The following GIPC1 variants were observed in gnomAD, a reference collection of about 807,000 sequenced individuals.
GIPC1 encodes PDZ domain-containing protein GIPC1.
GIPC1 carries 15 observed loss-of-function variants against 28.5 expected under a neutral mutation model. That is an observed-to-expected ratio of 0.53 (90% CI 0.35 to 0.81). GIPC1 has a LOEUF of 0.81. Ranked by LOEUF, GIPC1 falls within the 30% of genes least tolerant of loss-of-function variation. The pLI is 0.01. For synonymous variants in GIPC1, 224 were observed against 206.1 expected (o/e 1.09, Z -0.74); for missense variants, 439 against 481.9 (o/e 0.91, Z 0.83).
At chr19:14,491,264 CTT>C (rs201761180) in intron 3 of GIPC1, among the ~76,000 whole-genome samples, 1 of 145,770 alleles carries the variant, frequency 6.9e-6, no homozygotes. Context: ...CGCATCCAAT[CTT>C]TTTTTTTTTT....
intron 2 of GIPC1, 41 bp from the exon 3 acceptor site, chr19:14,491,784 C>T (rs529521958): frequency 6.6e-6 from 1 of 152,236 alleles, no homozygotes; most frequent in Non-Finnish European, 1.5e-5. Flanking sequence ...TCTGCTCTGA[C>T]CCCTCCCCGG....
intron 3 of GIPC1, among the ~76,000 whole-genome samples, chr19:14,491,334 CTG>C (rs1469093324): frequency 6.6e-6 from 1 of 152,078 alleles, no homozygotes; most frequent in East Asian, 1.9e-4. Flanking sequence ...TCTCGGCTCA[CTG>C]CAACCTCCAC....
intron 3 of GIPC1, among the ~76,000 whole-genome samples, chr19:14,484,833 T>C (rs2071801504): frequency 6.6e-6 from 1 of 151,792 alleles, no homozygotes; most frequent in Admixed American, 6.6e-5. Flanking sequence ...ACTCCTAGAC[T>C]CAAGCAATCC....
rs1174634221 is a variant in GIPC1 at position 14,482,674 on chromosome 19, C to G, written c.288+15G>C. On this transcript the variant is annotated intron_variant, in intron 4 of 8. Coordinates refer to ENST00000393033, the MANE Select transcript of GIPC1 (RefSeq NM_005716.4). ...CACCATCAGGGACCCTGGTGCCCGG[C>G]TCCCCAGTGGATACCTCGGCAGTTG... 1.2e-6 allele frequency: 2 copies of G among 1,609,786 alleles called. No individual in the cohort carries two copies. The highest frequency in any genetic ancestry group is 1.7e-6 in the Non-Finnish European group (2 of 1,178,782).
At position 14,482,858 on chromosome 19, in the gene GIPC1, G is replaced by A. The variant is rs199741925; in HGVS notation, c.119C>T (p.Ser40Leu). 1.1e-4 allele frequency: 173 copies of A among 1,576,264 alleles called. 1 individual carries two copies. The highest frequency in any genetic ancestry group is 7.1e-4 in the Admixed American group (39 of 54,776). Residue 40 changes from serine to leucine, a missense_variant, in exon 4 of 9, where the codon TCG (serine) becomes TTG (leucine). By Grantham distance (145) the Ser-to-Leu change is moderately radical (BLOSUM62 -2). Coordinates refer to ENST00000393033, the MANE Select transcript of GIPC1 (RefSeq NM_005716.4). ...GGGCAAGCCCATTTGGGGGCCCCCC[G>A]ACCCACCTCCGCCCAGAGGCCCTGG... The part of the protein sequence containing the change: ...GEPGPLGGGG[S>L]GGPQMGLPPP...
At chr19:14,483,812 T>C (rs2146471624) in intron 3 of GIPC1, among the ~76,000 whole-genome samples, 1 of 150,662 alleles carries the variant, frequency 6.6e-6, no homozygotes, top group Admixed American at 6.6e-5. Context: ...CAGCTAGGAT[T>C]ATTGCTTTGT....
chr19:14,484,129 C>A (rs889041441), intron 3 of GIPC1, among the ~76,000 whole-genome samples: 6 of 108,546 alleles, frequency 5.5e-5, no homozygotes, highest in African/African-American at 2.1e-4. Context: ...GACCCTGACT[C>A]TTTTTTTTTT....
intron 1 of GIPC1, among the ~76,000 whole-genome samples, 168 bp from the exon 2 acceptor site, chr19:14,493,080 C>A (rs1373081475): frequency 6.6e-6 from 1 of 152,156 alleles, no homozygotes; most frequent in East Asian, 1.9e-4. Context: ...TATCCCAACC[C>A]TCTCTGCCTG....
At position 14,482,736 on chromosome 19, in the gene GIPC1, CCTT is replaced by C; in HGVS notation, c.238_240del (p.Lys80del). 2 of 1,611,696 alleles carry C rather than the reference CCTT, an allele frequency of 1.2e-6. No homozygotes were observed. ...GCCTCGGCGATCTTGCCATACAGCT[CCTT>C]GACGTTGGTGAAGCCCTCGATGCGG... On this transcript the variant is annotated inframe_deletion, in exon 4 of 9. Transcript: ENST00000393033.
In GIPC1 at chr19:14,478,453, C is replaced by A; in HGVS notation, c.965G>T (p.Trp322Leu). Residue 322 changes from tryptophan to leucine, a missense_variant, in exon 9 of 9, where the codon TGG (tryptophan) becomes TTG (leucine). Trp to Leu is a moderately conservative substitution (Grantham distance 61). Coordinates refer to ENST00000393033, the MANE Select transcript of GIPC1 (RefSeq NM_005716.4). The surrounding 1 kb of genome is among the most constrained non-coding windows in gnomAD (Gnocchi z 5.2). ...AFPDEFVFDV[W>L]GAIGDAKVGR... ...GACCTTGGCGTCCCCAATGGCGCCC[C>A]AGACGTCAAAGACGAACTCGTCAGG... 1 of 1,612,458 alleles carries A rather than the reference C, an allele frequency of 6.2e-7. No homozygotes were observed. Among genetic ancestry groups the A allele is most frequent in the Non-Finnish European group, 8.5e-7 (1 of 1,179,442 alleles).
In GIPC1 at chr19:14,482,680, A is replaced by G. The variant is rs775977495; in HGVS notation, c.288+9T>C. The G allele has an allele frequency of 1.9e-6, 3 of 1,610,950 alleles. No homozygotes were observed. The highest frequency in any genetic ancestry group is 2.5e-6 in the Non-Finnish European group (3 of 1,179,658). ...CAGGGACCCTGGTGCCCGGCTCCCC[A>G]GTGGATACCTCGGCAGTTGGCAGGC... On this transcript the variant is annotated intron_variant, in intron 4 of 8. Transcript: ENST00000393033.
chr19:14,493,155 T>C (rs2072005941), intron 1 of GIPC1, among the ~76,000 whole-genome samples: 1 of 152,196 alleles, frequency 6.6e-6, no homozygotes, highest in East Asian at 1.9e-4. Flanking sequence ...ATGCTGGAAC[T>C]GCCCCTGTGG....
rs1348898275 is a variant in GIPC1 at position 14,496,074 on chromosome 19, G to GCCGCCGCCGCCGCCGCCGCCGCCGCCGC, written c.-213_-212insGCGGCGGCGGCGGCGGCGGCGGCGGCGG. On this transcript the variant is annotated 5_prime_UTR_variant, in exon 1 of 9. Coordinates refer to ENST00000393033, the MANE Select transcript of GIPC1 (RefSeq NM_005716.4). Reference sequence around the variant, plus strand: ...CGCCGCCGCCGCCGCCGCCGCCGCCGCTGCCTCCGCCTCCCCGTGCGCACC... The same window carrying GCCGCCGCCGCCGCCGCCGCCGCCGCCGC: ...CGCCGCCGCCGCCGCCGCCGCCGCCGCCGCCGCCGCCGCCGCCGCCGCCGCCGCCTGCCTCCGCCTCCCCGTGCGCACC... 2.5e-5 allele frequency: 6 copies of GCCGCCGCCGCCGCCGCCGCCGCCGCCGC among 240,456 alleles called. No homozygotes were observed. The highest frequency in any genetic ancestry group is 1.0e-4 in the African/African-American group (4 of 38,212). 14.9% of individuals were successfully genotyped at this position (240,456 alleles called of 1,614,324 possible).
intron 3 of GIPC1, chr19:14,483,727 C>T (rs1338144389): frequency 6.7e-6 from 1 of 149,904 alleles, no homozygotes; most frequent in African/African-American, 2.5e-5. Flanking sequence ...CCACCCTGGG[C>T]AAAAGAGCAA....
In GIPC1 at chr19:14,480,795, C is replaced by A; in HGVS notation, c.289-17G>T. On this transcript the variant is annotated splice_polypyrimidine_tract_variant and intron_variant, in intron 4 of 8. Coordinates refer to ENST00000393033, the MANE Select transcript of GIPC1 (RefSeq NM_005716.4). ...GAACATCACCTGCAGGGGTGGGAGA[C>A]GCTGAAACCTCTTCCCCCTCCCTCC... 1.3e-6 allele frequency: 2 copies of A among 1,581,814 alleles called. No individual in the cohort carries two copies.
rs768926622 is a variant in GIPC1 at position 14,480,485 on chromosome 19, G to A, written c.475C>T (p.Arg159Cys). ...DNGAGYAFIK[R>C]IKEGSVIDHI... ...TCGATCACGCTGCCCTCCTTGATGC[G>A]CTGCGGGGGCGGGGAGTCATCAGCC... Residue 159 changes from arginine to cysteine, a missense_variant and splice_region_variant, in exon 6 of 9, where the codon CGC (arginine) becomes TGC (cysteine). Physicochemically the swap from Arg to Cys is radical, Grantham distance 180. Transcript: ENST00000393033. 4 of 1,609,638 alleles carry A rather than the reference G, an allele frequency of 2.5e-6. No individual in the cohort carries two copies. The highest frequency in any genetic ancestry group is 2.2e-5 in the East Asian group (1 of 44,776).
chr19:14,486,549 G>A (rs924775108), intron 3 of GIPC1, among the ~76,000 whole-genome samples: 1 of 152,100 alleles, frequency 6.6e-6, no homozygotes, highest in African/African-American at 2.4e-5. Flanking sequence ...CTATGAGGCC[G>A]GGCCCTGAAT....
At chr19:14,485,702 T>TATATATATAGAGAGAG (rs1300117748) in intron 3 of GIPC1, among the ~76,000 whole-genome samples, 79 of 58,734 alleles carry the variant, frequency 1.3e-3, no homozygotes, top group African/African-American at 1.7e-3. Flanking sequence ...TATATATATA[T>TATATATATAGAGAGAG]AGAGAGAGAG....
chr19:14,488,107 A>G (rs2071885830), intron 3 of GIPC1, among the ~76,000 whole-genome samples: 1 of 152,208 alleles, frequency 6.6e-6, no homozygotes, highest in Admixed American at 6.5e-5. Flanking sequence ...GCATTCATGC[A>G]ATGATTTGGG....
Sources: allele counts gnomAD v4.1 joint callset (sites outside exome capture counted in the v4.1 genomes callset), GRCh38; gene constraint gnomAD v4.1.1; non-coding constraint Gnocchi (gnomAD v3.1); transcripts MANE v1.5; gene names NCBI Gene and HGNC (gene_info 2026-07-23, HGNC 2026-07-21).